Variants in SLC26A5 observed in about 807,000 individuals in gnomAD.
SLC26A5 encodes the protein prestin.
In SLC26A5, 51 loss-of-function variants were observed where a neutral mutation model predicts 81.0. The ratio of observed to expected loss-of-function variants is 0.63; its 90% CI spans 0.50 to 0.80. SLC26A5 has a LOEUF of 0.80. Among genes scored for constraint, SLC26A5 ranks in the 30% least tolerant of loss-of-function variants. SLC26A5 has a pLI of 0.00. For synonymous variants in SLC26A5, 325 were observed against 332.8 expected, an observed-to-expected ratio of 0.98 and a Z score of 0.25; for missense variants, 771 against 905.8, an observed-to-expected ratio of 0.85 and a Z score of 1.91.
At chr7:103,356,151 C>G (rs1820020556) in intron 19 of SLC26A5, among the ~76,000 whole-genome samples, 1 of 151,946 alleles carries the variant, frequency 6.6e-6, no homozygotes, top group East Asian at 1.9e-4. Context: ...GAAACATATC[C>G]TGATTTTTTT....
At chr7:103,358,889 A>G (rs1820195562) in intron 19 of SLC26A5, among the ~76,000 whole-genome samples, 1 of 152,116 alleles carries the variant, frequency 6.6e-6, no homozygotes, top group Admixed American at 6.5e-5. Context: ...TAAAGAAAGC[A>G]AAGATTATTT....
chr7:103,401,277 G>A (rs985542320), intron 8 of SLC26A5, among the ~76,000 whole-genome samples: 4 of 152,070 alleles, frequency 2.6e-5, no homozygotes, highest in Admixed American at 6.6e-5. Context: ...CCTTGAAGAG[G>A]TCCTTCACAT....
intron 8 of SLC26A5, among the ~76,000 whole-genome samples, chr7:103,406,325 A>G (rs1452820659): frequency 6.6e-6 from 1 of 152,124 alleles, no homozygotes; most frequent in African/African-American, 2.4e-5. Flanking sequence ...CACCCAGGGG[A>G]GTCTCCTAGT....
At position 103,392,022 on chromosome 7, in the gene SLC26A5, T is replaced by C. The variant is rs192009313; in HGVS notation, c.1120-287A>G. Among the ~76,000 whole-genome samples, 35 of 152,336 alleles carry C rather than the reference T, an allele frequency of 2.3e-4. No homozygotes were observed. The East Asian group carries it at 6.6e-3, about 29-fold the overall frequency. On this transcript the variant is annotated intron_variant, in intron 10 of 19. Coordinates refer to ENST00000306312, the MANE Select transcript of SLC26A5 (RefSeq NM_198999.3). ...CATAAATAACGCTTAAGAAGAAAACTGCACTAAAAGGGATCAACTATTTTT... is the reference window on the plus strand; with the variant it reads ...CATAAATAACGCTTAAGAAGAAAACCGCACTAAAAGGGATCAACTATTTTT...
intron 8 of SLC26A5, among the ~76,000 whole-genome samples, chr7:103,406,706 A>G (rs1480577638): frequency 6.6e-6 from 1 of 152,148 alleles, no homozygotes; most frequent in African/African-American, 2.4e-5. Context: ...CCCAGGCTGG[A>G]GTGCAGAGGT....
chr7:103,410,829 C>T (rs140716891), intron 6 of SLC26A5, among the ~76,000 whole-genome samples: 2,931 of 152,128 alleles, frequency 0.019, 40 homozygotes, highest in Non-Finnish European at 0.03. Context: ...CGGGGTTTCA[C>T]TATGTTGCCC....
In SLC26A5 at chr7:103,431,524, T is replaced by C. The variant is rs577959576; in HGVS notation, c.-53-9957A>G. 2.6e-5 allele frequency among the ~76,000 whole-genome samples: 4 copies of C among 152,306 alleles called. No individual in the cohort carries two copies. In the East Asian group the frequency reaches 7.7e-4, roughly 29 times the overall value. On this transcript the variant is annotated intron_variant, in intron 2 of 19. Transcript: ENST00000306312. ...TTTTCTTCATAGAGAAAGGGTCTCA[T>C]TATGGTGCCCAGGCCGATCTTGAAC...
chr7:103,410,453 T>C lies in SLC26A5; in HGVS notation c.667A>G (p.Thr223Ala), dbSNP rs1250271087. 1 of 1,613,978 alleles carries C rather than the reference T, an allele frequency of 6.2e-7. No individual in the cohort carries two copies. The highest frequency in any genetic ancestry group is 2.2e-5 in the East Asian group (1 of 44,866). Residue 223 changes from threonine (T) to alanine (A), a missense_variant, in exon 7 of 20, where the codon ACC (threonine) becomes GCC (alanine). By Grantham distance (58) the Thr-to-Ala change is moderately conservative. Transcript: ENST00000306312. Reference protein sequence around the residue: ...FTTAAAVHVFTSMLKYLFGVK... With the variant: ...FTTAAAVHVFASMLKYLFGVK... ...CCAAACAGATATTTTAACATGGAGG[T>C]GAAGACATGCACAGCTGCTGCGGTG...
chr7:103,436,195 G>T (rs1826439179), intron 2 of SLC26A5, among the ~76,000 whole-genome samples: 1 of 152,024 alleles, frequency 6.6e-6, no homozygotes. Context: ...GTTGATAATA[G>T]GAGTAATAGT....
chr7:103,362,209 G>T lies in SLC26A5; in HGVS notation c.2042-9283C>A, dbSNP rs1157014055. The T allele has an allele frequency of 1.1e-5, 16 of 1,511,632 alleles. No homozygotes were observed. In the East Asian group the frequency reaches 3.4e-4, roughly 32 times the overall value. The allele number at this position is 1,511,632 out of a possible 1,614,324, so 93.6% of individuals were successfully genotyped here. On this transcript the variant is annotated intron_variant, in intron 19 of 19. Transcript: ENST00000339444. ...CCTTGGAATACCAAAGGATGATCTA[G>T]TAATGTACTATAGTTGAAAATTCTG... is the stretch of plus-strand genomic sequence containing the variant.
At chr7:103,402,168 C>T (rs892683241) in intron 8 of SLC26A5, among the ~76,000 whole-genome samples, 8 of 151,998 alleles carry the variant, frequency 5.3e-5, no homozygotes, top group African/African-American at 1.5e-4. Flanking sequence ...TGGTAGAATT[C>T]GGCTGTGAAT....
At chr7:103,415,900 C>T (rs927096819) in intron 4 of SLC26A5, among the ~76,000 whole-genome samples, 1 of 152,134 alleles carries the variant, frequency 6.6e-6, no homozygotes, top group Non-Finnish European at 1.5e-5. Context: ...TTCTTTCTTT[C>T]TGGAAGTCCT....
intron 2 of SLC26A5, among the ~76,000 whole-genome samples, chr7:103,423,872 A>G (rs1825536012): frequency 6.6e-6 from 1 of 152,222 alleles, no homozygotes; most frequent in Non-Finnish European, 1.5e-5. Flanking sequence ...CCTGAGAAAT[A>G]AAGATGATAT....
chr7:103,378,611 A>G lies in SLC26A5; in HGVS notation c.1678-58T>C, dbSNP rs141264200. ...TCATGGCTCTCAGGGACCCACCCCA[A>G]TGCCACTCCCCTTCAAATCTCCCCA... On this transcript the variant is annotated intron_variant, in intron 16 of 19. Transcript: ENST00000306312. The G allele has an allele frequency of 3.8e-4, 541 of 1,412,264 alleles. 1 individual carries two copies. In the African/African-American group the frequency reaches 7.0e-3, roughly 18 times the overall value. 87.5% of individuals were successfully genotyped at this position (1,412,264 alleles called of 1,614,324 possible). A position where few individuals can be genotyped will look rare whatever the true frequency, so the allele number is the denominator to read the frequency against.
chr7:103,364,036 G>A lies in SLC26A5; in HGVS notation c.2042-11110C>T, dbSNP rs574445637. 280 of 1,029,620 alleles carry A rather than the reference G, an allele frequency of 2.7e-4. 1 individual carries two copies. The highest frequency in any genetic ancestry group is 1.5e-3 in the South Asian group (82 of 55,736). The allele number at this position is 1,029,620 out of a possible 1,614,324, so 63.8% of individuals were successfully genotyped here. On this transcript the variant is annotated intron_variant, in intron 19 of 19. Coordinates refer to the SLC26A5 transcript ENST00000339444. ...AATTTTGATTTAAATATTAAAGTAT[G>A]GTTTTCAGGATAAAATACTAAACAT... is the stretch of plus-strand genomic sequence containing the variant.
At chr7:103,382,153 G>A (rs991158394) in intron 14 of SLC26A5, among the ~76,000 whole-genome samples, 4 of 152,096 alleles carry the variant, frequency 2.6e-5, no homozygotes, top group African/African-American at 9.7e-5. Context: ...TCAGTAGACA[G>A]AACTGTCTTT....
chr7:103,408,093 T>C (rs913505194), intron 7 of SLC26A5, 90 bp from the exon 8 acceptor site: 3 of 1,521,286 alleles, frequency 2.0e-6, no homozygotes, highest in Non-Finnish European at 2.7e-6. Flanking sequence ...ACACCAGCCA[T>C]TCCGTTATTG....
intron 19 of SLC26A5, among the ~76,000 whole-genome samples, chr7:103,375,184 T>C (rs1291959820): frequency 6.7e-6 from 1 of 150,312 alleles, no homozygotes; most frequent in Non-Finnish European, 1.5e-5. Context: ...AAACTATATA[T>C]AGATAATTCT....
At chr7:103,442,738 G>T (rs1826970969) in intron 2 of SLC26A5, among the ~76,000 whole-genome samples, 1 of 152,190 alleles carries the variant, frequency 6.6e-6, no homozygotes, top group Admixed American at 6.5e-5. Flanking sequence ...TGCCTGGTTA[G>T]TGGCAGAGCT....
Sources: allele counts gnomAD v4.1 joint callset (sites outside exome capture counted in the v4.1 genomes callset), GRCh38; gene constraint gnomAD v4.1.1; transcripts MANE v1.5; gene names NCBI Gene and HGNC (gene_info 2026-07-23, HGNC 2026-07-21).